KIAA1958: variants seen among roughly 807,000 people sequenced by gnomAD.
KIAA1958 encodes uncharacterized protein KIAA1958.
In KIAA1958, 14 loss-of-function variants were observed where a neutral mutation model predicts 47.2. The ratio of observed to expected loss-of-function variants is 0.30; its 90% CI spans 0.20 to 0.46. The LOEUF is 0.46. KIAA1958 is among the 20% of genes least tolerant of loss of function. The probability of loss-of-function intolerance (pLI) is 1.00; values close to 1 mark genes in which losing one functional copy is unlikely to be tolerated. For synonymous variants in KIAA1958, 354 were observed against 353.3 expected, an observed-to-expected ratio of 1.00 and a Z score of -0.02; for missense variants, 803 against 909.2, an observed-to-expected ratio of 0.88 and a Z score of 1.50.
intron 2 of KIAA1958, among the ~76,000 whole-genome samples, chr9:112,599,095 T>G (rs1836084639): frequency 6.6e-6 from 1 of 152,166 alleles, no homozygotes; most frequent in Non-Finnish European, 1.5e-5. Context: ...AGTAATATTT[T>G]AAATTAAAAT....
At chr9:112,512,059 C>A (rs2132780943) in intron 1 of KIAA1958, among the ~76,000 whole-genome samples, 1 of 152,254 alleles carries the variant, frequency 6.6e-6, no homozygotes, top group Admixed American at 6.5e-5. Flanking sequence ...AAACTGCAGA[C>A]ACAGATGGCT....
intron 2 of KIAA1958, among the ~76,000 whole-genome samples, chr9:112,629,403 C>T (rs1836672005): frequency 6.6e-6 from 1 of 152,148 alleles, no homozygotes; most frequent in African/African-American, 2.4e-5. Flanking sequence ...TCACTCAAAT[C>T]ATATTTTACA....
intron 1 of KIAA1958, among the ~76,000 whole-genome samples, chr9:112,526,872 G>C (rs1297540988): frequency 1.3e-5 from 2 of 152,182 alleles, no homozygotes; most frequent in Non-Finnish European, 2.9e-5. Flanking sequence ...ATTTATCTAA[G>C]TTGTTTTTAG....
At chr9:112,518,549 C>T (rs1834479631) in intron 1 of KIAA1958, among the ~76,000 whole-genome samples, 1 of 151,946 alleles carries the variant, frequency 6.6e-6, no homozygotes, top group Admixed American at 6.6e-5. Flanking sequence ...TGAGTGTTTG[C>T]CTTAAGAGTG....
At chr9:112,513,004 A>ATTT (rs34446189) in intron 1 of KIAA1958, among the ~76,000 whole-genome samples, 1 of 104,562 alleles carries the variant, frequency 9.6e-6, no homozygotes, top group Non-Finnish European at 1.8e-5. Flanking sequence ...TGCCCAGCTA[A>ATTT]TTTTTTTTTT....
rs367781917 is a variant in KIAA1958 at position 112,591,964 on chromosome 9, A to C, written c.1171+16713A>C. 2.6e-4 allele frequency among the ~76,000 whole-genome samples: 40 copies of C among 152,292 alleles called. 1 individual carries two copies. The highest frequency in any genetic ancestry group is 1.9e-3 in the East Asian group (10 of 5,182). On this transcript the variant is annotated intron_variant, in intron 2 of 3. Coordinates refer to ENST00000337530, the MANE Select transcript of KIAA1958 (RefSeq NM_133465.4). ...GGACAAGGGAGGGAAAGGGGTTCTTATCCCTGACGCACGTGGCCCTTGCTG... is the reference window on the plus strand; with the variant it reads ...GGACAAGGGAGGGAAAGGGGTTCTTCTCCCTGACGCACGTGGCCCTTGCTG...
intron 1 of KIAA1958, among the ~76,000 whole-genome samples, chr9:112,549,446 C>G (rs1490204264): frequency 6.6e-6 from 1 of 152,212 alleles, no homozygotes; most frequent in Non-Finnish European, 1.5e-5. Flanking sequence ...CCTTAACTTC[C>G]CACTTTCTTG....
Position 112,641,300 on chromosome 9 carries a change from T to C in KIAA1958, c.1172-4350T>C, listed in dbSNP as rs895230580. On this transcript the variant is annotated intron_variant, in intron 2 of 3. Coordinates refer to ENST00000337530, the MANE Select transcript of KIAA1958 (RefSeq NM_133465.4). ...TAAATTTCTTCATTTACAGTCTTTT[T>C]CCCTTACAACTCTGAGGAGACTATG... Among the ~76,000 whole-genome samples the C allele has an allele frequency of 5.3e-5, 8 of 151,790 alleles. No homozygotes were observed. The South Asian group carries it at 6.2e-4, about 12-fold the overall frequency.
At chr9:112,603,326 G>A (rs1836167632) in intron 2 of KIAA1958, among the ~76,000 whole-genome samples, 1 of 152,048 alleles carries the variant, frequency 6.6e-6, no homozygotes, top group African/African-American at 2.4e-5. Context: ...AACATTTCAT[G>A]TGGCTATCCC....
At chr9:112,561,265 A>G (rs375211624) in intron 1 of KIAA1958, among the ~76,000 whole-genome samples, 1 of 152,040 alleles carries the variant, frequency 6.6e-6, no homozygotes, top group Non-Finnish European at 1.5e-5. Flanking sequence ...CGTGTTAGCC[A>G]GGATGGTCTC....
intron 2 of KIAA1958, among the ~76,000 whole-genome samples, chr9:112,629,344 G>A (rs1451494369): frequency 1.3e-5 from 2 of 151,922 alleles, no homozygotes; most frequent in Admixed American, 1.3e-4. Flanking sequence ...ATTTTTTCTG[G>A]CCACTTGGCT....
In KIAA1958 at chr9:112,597,224, G is replaced by T. The variant is rs148968871; in HGVS notation, c.1171+21973G>T. Reference sequence around the variant, plus strand: ...CAGAGTCATATGCTGTTGGCTCTCTGTGATTACTACATGCAAAATAGCAAT... The same window carrying T: ...CAGAGTCATATGCTGTTGGCTCTCTTTGATTACTACATGCAAAATAGCAAT... On this transcript the variant is annotated intron_variant, in intron 2 of 3. Coordinates refer to ENST00000337530, the MANE Select transcript of KIAA1958 (RefSeq NM_133465.4). 5.8e-3 allele frequency among the ~76,000 whole-genome samples: 884 copies of T among 152,260 alleles called. 13 individuals are homozygous for T. The highest frequency in any genetic ancestry group is 0.02 in the African/African-American group (851 of 41,556).
chr9:112,570,307 C>T (rs1307646484), intron 1 of KIAA1958, among the ~76,000 whole-genome samples: 1 of 152,130 alleles, frequency 6.6e-6, no homozygotes, highest in Non-Finnish European at 1.5e-5. Flanking sequence ...AAGCATGGTG[C>T]TATACGTGAA....
At chr9:112,527,975 G>C (rs1276454729) in intron 1 of KIAA1958, among the ~76,000 whole-genome samples, 1 of 151,350 alleles carries the variant, frequency 6.6e-6, no homozygotes. Flanking sequence ...GAGTTAAAAG[G>C]CCTGGCCATT....
At chr9:112,555,161 A>G (rs1394373735) in intron 1 of KIAA1958, among the ~76,000 whole-genome samples, 2 of 152,142 alleles carry the variant, frequency 1.3e-5, no homozygotes, top group Non-Finnish European at 2.9e-5. Flanking sequence ...ACTGTCCCCA[A>G]ACTGGAGCAG....
intron 1 of KIAA1958, among the ~76,000 whole-genome samples, chr9:112,497,818 C>T (rs1317690749): frequency 2.6e-5 from 4 of 152,162 alleles, no homozygotes; most frequent in Non-Finnish European, 5.9e-5. Context: ...CCAACCATTT[C>T]TAACATATTT....
intron 1 of KIAA1958, among the ~76,000 whole-genome samples, chr9:112,513,004 AT>A (rs34446189): frequency 0.54 from 55,796 of 104,208 alleles, 15,116 homozygotes; most frequent in African/African-American, 0.74. Context: ...TGCCCAGCTA[AT>A]TTTTTTTTTT....
intron 1 of KIAA1958, among the ~76,000 whole-genome samples, chr9:112,497,317 C>T (rs1287726188): frequency 6.6e-6 from 1 of 152,002 alleles, no homozygotes; most frequent in Non-Finnish European, 1.5e-5. Flanking sequence ...TTGGAGTGGG[C>T]CCTAATATAA....
At chr9:112,496,179 T>G (rs887803907) in intron 1 of KIAA1958, among the ~76,000 whole-genome samples, 5 of 152,188 alleles carry the variant, frequency 3.3e-5, no homozygotes, top group African/African-American at 1.2e-4. Flanking sequence ...TTAAACTGAC[T>G]CAGATTGAAT....
Sources: gnomAD v4.1 joint callset for allele counts (sites outside exome capture counted in the v4.1 genomes callset) on GRCh38, gnomAD v4.1.1 for gene constraint, MANE v1.5 for transcripts, NCBI Gene and HGNC (gene_info 2026-07-23, HGNC 2026-07-21) for gene names.